SOX6: variants seen among roughly 807,000 people sequenced by gnomAD.
SOX6 encodes the protein SRY-box transcription factor 6, also known as transcription factor SOX-6.
In SOX6, 11 loss-of-function variants were observed where a neutral mutation model predicts 97.8. That is an observed-to-expected ratio of 0.11 (90% confidence interval 0.07 to 0.19). The LOEUF is 0.19. Ranked by LOEUF, SOX6 falls within the 10% of genes least tolerant of loss-of-function variation. The probability of loss-of-function intolerance (pLI) is 1.00; values close to 1 mark genes in which losing one functional copy is unlikely to be tolerated. For synonymous variants in SOX6, 360 were observed against 371.4 expected (o/e 0.97, Z 0.35); for missense variants, 810 against 1,039.5 (o/e 0.78, Z 3.04).
intron 11 of SOX6, among the ~76,000 whole-genome samples, chr11:16,047,010 C>T (rs1855854684): frequency 6.6e-6 from 1 of 152,016 alleles, no homozygotes; most frequent in African/African-American, 2.4e-5. Flanking sequence ...TTTGCTCTGC[C>T]TGTATGTACA....
chr11:16,471,589 A>G (rs1399138045), intron 1 of SOX6, among the ~76,000 whole-genome samples: 1 of 152,170 alleles, frequency 6.6e-6, no homozygotes, highest in African/African-American at 2.4e-5. Context: ...CACTGAACCC[A>G]TTTGCCTGTT....
Position 16,046,600 on chromosome 11 carries a change from C to T in SOX6, c.1537G>A (p.Glu513Lys). The change falls in exon 12 of 16, where the codon GAG (glutamate) becomes AAG (lysine). Residue 513 changes from glutamate to lysine, a missense_variant. By Grantham distance (56) the Glu-to-Lys change is moderately conservative (BLOSUM62 1). Coordinates refer to ENST00000683767, the MANE Select transcript of SOX6 (RefSeq NM_001367873.1). The part of the protein sequence containing the change: ...ARKMREQIQR[E>K]QQQQQPHGVD... ...CCATGTGGCTGTTGCTGCTGTTGCT[C>T]CCGCTGGATCTGCTCTCGCATCTTC... The T allele has an allele frequency of 6.2e-7, 1 of 1,613,780 alleles. No homozygotes were observed. The highest frequency in any genetic ancestry group is 8.5e-7 in the Non-Finnish European group (1 of 1,179,822).
chr11:16,243,597 C>T (rs1021821379), intron 3 of SOX6, among the ~76,000 whole-genome samples: 1 of 151,822 alleles, frequency 6.6e-6, no homozygotes, highest in South Asian at 2.1e-4. Flanking sequence ...ATTATATACT[C>T]ATGTAGCTCC....
At chr11:16,636,204 C>G (rs1311035841) in intron 3 of SOX6, among the ~76,000 whole-genome samples, 1 of 152,202 alleles carries the variant, frequency 6.6e-6, no homozygotes, top group Non-Finnish European at 1.5e-5. Context: ...GGGCTGTGCC[C>G]TGCAAAGCTA....
intron 3 of SOX6, among the ~76,000 whole-genome samples, chr11:16,701,082 T>G (rs989866920): frequency 6.6e-6 from 1 of 152,256 alleles, no homozygotes; most frequent in African/African-American, 2.4e-5. Flanking sequence ...ACTATTTTAT[T>G]GTCAATAGTT....
chr11:16,439,244 G>C (rs1413980403), intron 1 of SOX6, among the ~76,000 whole-genome samples: 1 of 152,156 alleles, frequency 6.6e-6, no homozygotes, highest in Non-Finnish European at 1.5e-5. Context: ...GTAATGCAGA[G>C]ATACAGAACC....
intron 13 of SOX6, among the ~76,000 whole-genome samples, chr11:16,002,112 T>C (rs1033105210): frequency 2.6e-5 from 4 of 152,216 alleles, no homozygotes; most frequent in Non-Finnish European, 5.9e-5. Flanking sequence ...AAGATGTCTT[T>C]TGTTCTTTCA....
intron 1 of SOX6, among the ~76,000 whole-genome samples, chr11:16,394,835 T>A (rs1858297235): frequency 6.6e-6 from 1 of 151,798 alleles, no homozygotes; most frequent in South Asian, 2.1e-4. Flanking sequence ...CATGAGTTTA[T>A]AATTTGAAAG....
At chr11:16,330,018 T>C (rs1181645270) in intron 2 of SOX6, among the ~76,000 whole-genome samples, 1 of 152,214 alleles carries the variant, frequency 6.6e-6, no homozygotes, top group East Asian at 1.9e-4. Flanking sequence ...TTCTTCTTCA[T>C]AAAACACAGT....
intron 3 of SOX6, among the ~76,000 whole-genome samples, chr11:16,703,055 T>A (rs1848106566): frequency 6.6e-6 from 1 of 151,644 alleles, no homozygotes; most frequent in African/African-American, 2.4e-5. Context: ...TGACAAATGG[T>A]AGGAAATTTG....
intron 2 of SOX6, among the ~76,000 whole-genome samples, chr11:16,319,016 C>A (rs966747071): frequency 6.6e-6 from 1 of 152,114 alleles, no homozygotes; most frequent in Non-Finnish European, 1.5e-5. Flanking sequence ...AATTATTAGG[C>A]TTGGTAAAGT....
At chr11:16,016,819 T>C (rs569211210) in intron 12 of SOX6, among the ~76,000 whole-genome samples, 1 of 152,208 alleles carries the variant, frequency 6.6e-6, no homozygotes, top group East Asian at 1.9e-4. Context: ...CTATGTTAAA[T>C]GCAAAAGGAG....
At chr11:16,472,697 C>T (rs1349900119) in intron 1 of SOX6, among the ~76,000 whole-genome samples, 2 of 151,752 alleles carry the variant, frequency 1.3e-5, no homozygotes, top group African/African-American at 4.8e-5. Flanking sequence ...GTTCAAAATG[C>T]CTATCCTAAT....
At position 16,110,464 on chromosome 11, in the gene SOX6, T is replaced by C. The variant is rs1390333179; in HGVS notation, c.898+1339A>G. On this transcript the variant is annotated intron_variant, in intron 7 of 15. Transcript: ENST00000683767. ...GTCCTTAATATAGATGCCAATGTCA[T>C]AGTAGCTAAGTATACCTTGTTCTAA... 10 of 152,162 alleles carry C rather than the reference T, an allele frequency of 6.6e-5. No homozygotes were observed. The South Asian group carries it at 1.2e-3, about 19-fold the overall frequency. 9.4% of individuals were successfully genotyped at this position (152,162 alleles called of 1,614,324 possible). A position where few individuals can be genotyped will look rare whatever the true frequency, so the allele number is the denominator to read the frequency against.
intron 4 of SOX6, among the ~76,000 whole-genome samples, chr11:16,597,083 T>C (rs1590000418): frequency 6.6e-6 from 1 of 152,140 alleles, no homozygotes; most frequent in Non-Finnish European, 1.5e-5. Flanking sequence ...AAACATTGAT[T>C]CACATCAAGT....
intron 6 of SOX6, among the ~76,000 whole-genome samples, chr11:16,152,569 T>TA (rs1850485985): frequency 2.0e-5 from 3 of 152,212 alleles, no homozygotes; most frequent in African/African-American, 4.8e-5. Context: ...AGGCTACTGA[T>TA]CTGAACTACC....
At chr11:16,064,869 A>G (rs985803735) in intron 9 of SOX6, among the ~76,000 whole-genome samples, 1 of 152,002 alleles carries the variant, frequency 6.6e-6, no homozygotes, top group Non-Finnish European at 1.5e-5. Context: ...ATATGCCTCA[A>G]TATAATAAAA....
At chr11:16,203,237 C>T (rs530824342) in intron 4 of SOX6, among the ~76,000 whole-genome samples, 1 of 152,134 alleles carries the variant, frequency 6.6e-6, no homozygotes, top group South Asian at 2.1e-4. Context: ...TAAACAATAA[C>T]TGTTACCATT....
intron 15 of SOX6, among the ~76,000 whole-genome samples, chr11:15,976,256 G>C (rs1215363263): frequency 6.6e-6 from 1 of 152,158 alleles, no homozygotes; most frequent in South Asian, 2.1e-4. Flanking sequence ...GTGGTATGGT[G>C]AGCTCAGGTT....
Sources: gnomAD v4.1 joint callset for allele counts (sites outside exome capture counted in the v4.1 genomes callset) on GRCh38, gnomAD v4.1.1 for gene constraint, MANE v1.5 for transcripts, NCBI Gene and HGNC (gene_info 2026-07-23, HGNC 2026-07-21) for gene names.